The following TMEM132B variants were observed in gnomAD, a reference collection of about 807,000 sequenced individuals.
TMEM132B encodes the protein transmembrane protein 132B.
Under a neutral mutation model 90.8 loss-of-function variants are expected in TMEM132B, and 18 were observed. The ratio of observed to expected loss-of-function variants is 0.20; its 90% CI spans 0.14 to 0.29. TMEM132B has a LOEUF of 0.29. TMEM132B is among the 10% of genes least tolerant of loss of function. The pLI is 1.00. For synonymous variants in TMEM132B, 504 were observed against 523.3 expected, an observed-to-expected ratio of 0.96 and a Z score of 0.50; for missense variants, 1,096 against 1,326.8, an observed-to-expected ratio of 0.83 and a Z score of 2.70.
chr12:125,564,435 A>G (rs1367826894), intron 4 of TMEM132B, among the ~76,000 whole-genome samples: 1 of 152,200 alleles, frequency 6.6e-6, no homozygotes, highest in Non-Finnish European at 1.5e-5. Flanking sequence ...TTCTTGAGAT[A>G]GAAATTCTAA....
At chr12:125,550,380 G>A (rs1884196221) in intron 4 of TMEM132B, among the ~76,000 whole-genome samples, 1 of 152,154 alleles carries the variant, frequency 6.6e-6, no homozygotes, top group South Asian at 2.1e-4. Flanking sequence ...CTCATTTATA[G>A]TTATCCATCT....
chr12:125,533,083 A>T (rs1293658439), intron 4 of TMEM132B, among the ~76,000 whole-genome samples: 1 of 152,128 alleles, frequency 6.6e-6, no homozygotes, highest in African/African-American at 2.4e-5. Context: ...TGCTTAAGAA[A>T]ATCAAGCTGC....
chr12:125,398,262 G>T (rs1292864975), intron 2 of TMEM132B, among the ~76,000 whole-genome samples: 1 of 152,060 alleles, frequency 6.6e-6, no homozygotes, highest in Non-Finnish European at 1.5e-5. Context: ...TGAGTTATTG[G>T]GAAATCCCAA....
At chr12:125,544,094 C>G (rs1884027274) in intron 4 of TMEM132B, among the ~76,000 whole-genome samples, 1 of 152,150 alleles carries the variant, frequency 6.6e-6, no homozygotes, top group African/African-American at 2.4e-5. Context: ...CAAACTAACA[C>G]AGAAACAGAA....
intron 1 of TMEM132B, among the ~76,000 whole-genome samples, chr12:125,287,818 CATT>C (rs1379293083): frequency 2.0e-5 from 3 of 152,228 alleles, no homozygotes; most frequent in African/African-American, 7.2e-5. Flanking sequence ...GCTTTTTTCA[CATT>C]ATTCTATACC....
chr12:125,499,862 C>T (rs140025071), intron 3 of TMEM132B, among the ~76,000 whole-genome samples: 8 of 152,196 alleles, frequency 5.3e-5, no homozygotes, highest in Non-Finnish European at 7.3e-5. Flanking sequence ...AAATTACTGA[C>T]GCACACACTA....
intron 5 of TMEM132B, among the ~76,000 whole-genome samples, chr12:125,604,613 TA>T (rs1017982551): frequency 1.3e-5 from 2 of 152,020 alleles, no homozygotes; most frequent in Admixed American, 6.6e-5. Context: ...TAAAGTAAAA[TA>T]AAAAAAATAA....
chr12:125,466,293 A>T (rs1160301661), intron 3 of TMEM132B, among the ~76,000 whole-genome samples: 2 of 152,206 alleles, frequency 1.3e-5, no homozygotes, highest in Non-Finnish European at 2.9e-5. Flanking sequence ...CAGCTGCCTA[A>T]GGATGGGTGG....
chr12:125,209,605 T>A lies in TMEM132B; in HGVS notation c.67+22739T>A, dbSNP rs1873271151. 6.6e-6 allele frequency among the ~76,000 whole-genome samples: 1 copy of A among 152,194 alleles called. No individual in the cohort carries two copies. The highest frequency in any genetic ancestry group is 2.4e-5 in the African/African-American group (1 of 41,424). On this transcript the variant is annotated intron_variant, in intron 1 of 8. Coordinates refer to ENST00000682704, the MANE Select transcript of TMEM132B (RefSeq NM_001366854.1). This position sits in a 1 kb window ranked among gnomAD's most constrained non-coding sequence, Gnocchi z 4.4. ...TGGGAGCATGGAGACACTCGTTCCT[T>A]GTCTCTCCAACCCACCGGCCATTGG...
Position 125,652,435 on chromosome 12 carries a change from T to A in TMEM132B, c.1915-6T>A. ...AGATGCATGAGTCTCCTCGCTGACT[T>A]TTCAGGTCCTCTCGCCGTTGTCTGA... On this transcript the variant is annotated splice_region_variant and splice_polypyrimidine_tract_variant and intron_variant, in intron 7 of 8. Transcript: ENST00000682704. The A allele has an allele frequency of 1.3e-6, 2 of 1,590,990 alleles. No homozygotes were observed. The highest frequency in any genetic ancestry group is 1.7e-6 in the Non-Finnish European group (2 of 1,167,570).
chr12:125,256,175 C>G (rs1874435164), intron 1 of TMEM132B, among the ~76,000 whole-genome samples: 1 of 152,184 alleles, frequency 6.6e-6, no homozygotes, highest in South Asian at 2.1e-4. Flanking sequence ...CTTCAGGAAT[C>G]CGCTGCACTT....
intron 2 of TMEM132B, among the ~76,000 whole-genome samples, chr12:125,351,272 A>G (rs954910253): frequency 6.6e-6 from 1 of 152,208 alleles, no homozygotes; most frequent in Admixed American, 6.5e-5. Flanking sequence ...TTTAGTTACA[A>G]AAACAGAAGG....
intron 5 of TMEM132B, among the ~76,000 whole-genome samples, chr12:125,635,974 T>C (rs1886469095): frequency 6.6e-6 from 1 of 152,070 alleles, no homozygotes; most frequent in Admixed American, 6.5e-5. Context: ...GTGCTCTCCC[T>C]CCCCCAGTGC....
At chr12:125,358,341 T>C (rs530631719) in intron 2 of TMEM132B, among the ~76,000 whole-genome samples, 2 of 151,638 alleles carry the variant, frequency 1.3e-5, no homozygotes, top group Non-Finnish European at 2.9e-5. Flanking sequence ...TTAATGCTAA[T>C]ATCTTATGTA....
intron 5 of TMEM132B, among the ~76,000 whole-genome samples, chr12:125,617,829 T>A (rs376999539): frequency 2.1e-4 from 32 of 152,228 alleles, no homozygotes; most frequent in East Asian, 1.9e-3. Context: ...GTTTGAGGCG[T>A]CTCTGAGGTT....
chr12:125,478,607 T>A (rs1176979250), intron 3 of TMEM132B, among the ~76,000 whole-genome samples: 2 of 152,180 alleles, frequency 1.3e-5, no homozygotes, highest in Non-Finnish European at 2.9e-5. Context: ...AATATGGGAC[T>A]ATGTGAAAAG....
At chr12:125,645,895 G>A (rs1886753702) in intron 6 of TMEM132B, among the ~76,000 whole-genome samples, 1 of 152,202 alleles carries the variant, frequency 6.6e-6, no homozygotes, top group Non-Finnish European at 1.5e-5. Flanking sequence ...CGTGCCTTTG[G>A]CATCAGGCAG....
intron 1 of TMEM132B, among the ~76,000 whole-genome samples, chr12:125,289,301 A>G (rs1036333790): frequency 6.6e-6 from 1 of 152,256 alleles, no homozygotes; most frequent in Non-Finnish European, 1.5e-5. Context: ...AAATGAAGAT[A>G]GAATTGTTAT....
At chr12:125,295,404 T>A (rs2136152333) in intron 1 of TMEM132B, among the ~76,000 whole-genome samples, 1 of 152,050 alleles carries the variant, frequency 6.6e-6, no homozygotes, top group South Asian at 2.1e-4. Flanking sequence ...AACGTGGACA[T>A]GAAATGATGG....
Sources: allele counts gnomAD v4.1 joint callset (sites outside exome capture counted in the v4.1 genomes callset), GRCh38; gene constraint gnomAD v4.1.1; non-coding constraint Gnocchi (gnomAD v3.1); transcripts MANE v1.5; gene names NCBI Gene and HGNC (gene_info 2026-07-23, HGNC 2026-07-21).